Variants in PRDM4 observed in about 807,000 individuals in gnomAD.
PRDM4 encodes the protein PR domain zinc finger protein 4.
Under a neutral mutation model 62.3 loss-of-function variants are expected in PRDM4, and 38 were observed. The observed-to-expected ratio is 0.61, with a 90% CI of 0.47 to 0.80. PRDM4 has a LOEUF of 0.80. Ranked by LOEUF, PRDM4 falls within the 30% of genes least tolerant of loss-of-function variation. PRDM4 has a pLI of 0.00. For synonymous variants in PRDM4, 339 were observed against 348.2 expected, an observed-to-expected ratio of 0.97 and a Z score of 0.30; for missense variants, 858 against 997.1, an observed-to-expected ratio of 0.86 and a Z score of 1.88.
intron 6 of PRDM4, 80 bp from the exon 7 acceptor site, chr12:107,744,741 A>C (rs1890633246): frequency 1.3e-6 from 2 of 1,550,716 alleles, no homozygotes; most frequent in African/African-American, 1.4e-5. Flanking sequence ...TCACCCATGC[A>C]AAGAATCTTA....
In PRDM4 at chr12:107,741,145, T is replaced by A. The variant is rs1335792065; in HGVS notation, c.1725A>T (p.Gly575=). ...SHIHNHLPTQ[G]HSGSHGPSHS... ...GACTTGGCCCATGGCTGCCGCTATG[T>A]CCCTGGGTAGGAAGATGGTTATGGA... The change falls in exon 10 of 12, where the codon GGA becomes GGT. Residue 575 remains glycine (G), a synonymous_variant. Coordinates refer to ENST00000228437, the MANE Select transcript of PRDM4 (RefSeq NM_012406.4). 9 of 1,614,148 alleles carry A rather than the reference T, an allele frequency of 5.6e-6. No homozygotes were observed. The highest frequency in any genetic ancestry group is 7.6e-6 in the Non-Finnish European group (9 of 1,180,034).
chr12:107,747,511 T>C (rs976938514), intron 5 of PRDM4, among the ~76,000 whole-genome samples: 2 of 152,158 alleles, frequency 1.3e-5, no homozygotes, highest in Admixed American at 6.5e-5. Context: ...CTTGCAGACA[T>C]TATTTGCTTA....
intron 8 of PRDM4, among the ~76,000 whole-genome samples, chr12:107,742,763 CT>C (rs750002269): frequency 0.31 from 36,874 of 120,274 alleles, 5,402 homozygotes; most frequent in Middle Eastern, 0.42. Context: ...TGGTAAGTGC[CT>C]TTTTTTTTTT....
rs765170036 is a variant in PRDM4 at position 107,751,429 on chromosome 12, G to A, written c.1112C>T (p.Thr371Ile). Reference sequence around the variant, plus strand: ...AACACACTCACAAATTGTAAACAAGGTTGCCATGTTCTCCTTGTTTGAATT... The same window carrying A: ...AACACACTCACAAATTGTAAACAAGATTGCCATGTTCTCCTTGTTTGAATT... ...DSNSNKENMA[T>I]LFTIWCTLCD... is the part of the protein sequence containing the mutation. Residue 371 changes from threonine to isoleucine, a missense_variant, in exon 5 of 12, where the codon ACC becomes ATC. Around this residue, in one of 3 missense-constraint regions of PRDM4, gnomAD observed 499 missense variants for 546.7 expected, o/e 0.91. Transcript: ENST00000228437. The A allele has an allele frequency of 1.9e-6, 3 of 1,603,064 alleles. No individual in the cohort carries two copies. The East Asian group carries it at 6.7e-5, about 36-fold the overall frequency.
intron 10 of PRDM4, among the ~76,000 whole-genome samples, chr12:107,740,078 T>C (rs1350477270): frequency 6.6e-6 from 1 of 152,194 alleles, no homozygotes; most frequent in African/African-American, 2.4e-5. Context: ...TTTTAGGCTT[T>C]GTGGGCCATA....
intron 5 of PRDM4, among the ~76,000 whole-genome samples, chr12:107,750,937 G>A (rs566208759): frequency 1.1e-3 from 172 of 152,272 alleles, no homozygotes; most frequent in Non-Finnish European, 2.1e-3. Flanking sequence ...CCAGGCCGGA[G>A]TGCAGTACTA....
intron 10 of PRDM4, among the ~76,000 whole-genome samples, chr12:107,740,230 T>C (rs1368897917): frequency 6.6e-6 from 1 of 152,202 alleles, no homozygotes; most frequent in Non-Finnish European, 1.5e-5. Context: ...CTCAGGCCTA[T>C]AATCCTAGCA....
At chr12:107,756,570 T>C (rs1485991315) in intron 3 of PRDM4, among the ~76,000 whole-genome samples, 2 of 152,154 alleles carry the variant, frequency 1.3e-5, no homozygotes, top group Non-Finnish European at 1.5e-5. Flanking sequence ...CCAAGTTAAT[T>C]ACAGCTCTGG....
intron 7 of PRDM4, among the ~76,000 whole-genome samples, chr12:107,744,310 G>A (rs1359571539): frequency 6.6e-6 from 1 of 152,110 alleles, no homozygotes; most frequent in Non-Finnish European, 1.5e-5. Context: ...TCACAAAACA[G>A]AGACAAAAAC....
At chr12:107,750,431 T>A (rs73189574) in intron 5 of PRDM4, among the ~76,000 whole-genome samples, 18,732 of 152,046 alleles carry the variant, frequency 0.12, 1,997 homozygotes, top group African/African-American at 0.29. Flanking sequence ...GGGGTCCCAG[T>A]TGCTCGGGAG....
chr12:107,749,552 TATCTACCTAGTTTCA>T (rs1375611802), intron 5 of PRDM4, among the ~76,000 whole-genome samples: 4 of 152,166 alleles, frequency 2.6e-5, no homozygotes, highest in African/African-American at 9.6e-5. Context: ...ACCTAGTTTC[TATCTACCTAGTTTCA>T]GAAGCCAGAA....
At chr12:107,758,252 T>TTG (rs1891124621) in intron 2 of PRDM4, 1 of 145,220 alleles carries the variant, frequency 6.9e-6, no homozygotes, top group Admixed American at 7.2e-5. Context: ...TTTTTTTTTT[T>TTG]TTTTTTTTTG....
At chr12:107,758,035 G>A (rs1164320342) in intron 2 of PRDM4, among the ~76,000 whole-genome samples, 1 of 152,052 alleles carries the variant, frequency 6.6e-6, no homozygotes, top group African/African-American at 2.4e-5. Flanking sequence ...GTATGGGAGG[G>A]GGTGAAGCAG....
chr12:107,737,879 AACACC>A (rs1321756860), intron 11 of PRDM4: 1 of 152,194 alleles, frequency 6.6e-6, no homozygotes, highest in Non-Finnish European at 1.5e-5. Flanking sequence ...TTGAGGCCCT[AACACC>A]CAGTGTGAGG....
chr12:107,743,099 G>T, intron 8 of PRDM4, 98 bp downstream of exon 8: 2 of 985,300 alleles, frequency 2.0e-6, no homozygotes, highest in African/African-American at 1.6e-5. Context: ...AGGTGTTGGT[G>T]TAATTTGGAT....
At chr12:107,756,121 G>A (rs193265550) in intron 3 of PRDM4, among the ~76,000 whole-genome samples, 1 of 151,582 alleles carries the variant, frequency 6.6e-6, no homozygotes. Context: ...TGAGCCAGGT[G>A]TAGGGGTGCA....
intron 11 of PRDM4, chr12:107,738,494 G>A (rs1890406827): frequency 6.6e-6 from 1 of 152,194 alleles, no homozygotes. Flanking sequence ...GTGAAGGTAA[G>A]ATTTCTAAAG....
At chr12:107,757,029 C>T (rs1382111449) in intron 2 of PRDM4, 64 bp from the exon 3 acceptor site, 6 of 1,527,796 alleles carry the variant, frequency 3.9e-6, no homozygotes, top group African/African-American at 1.4e-5. Context: ...TATTAAGATA[C>T]TGAAGAAACT....
At chr12:107,749,261 T>C (rs1890817718) in intron 5 of PRDM4, among the ~76,000 whole-genome samples, 2 of 152,196 alleles carry the variant, frequency 1.3e-5, no homozygotes, top group African/African-American at 2.4e-5. Flanking sequence ...TAGACATCTC[T>C]ACTGGGTGTC....
Sources: allele counts gnomAD v4.1 joint callset (sites outside exome capture counted in the v4.1 genomes callset), GRCh38; gene constraint gnomAD v4.1.1; regional missense constraint gnomAD v4.1.1; transcripts MANE v1.5; gene names NCBI Gene and HGNC (gene_info 2026-07-23, HGNC 2026-07-21).